THSD4: variants seen among roughly 807,000 people sequenced by gnomAD.
THSD4 encodes thrombospondin type 1 domain containing 4.
THSD4 carries 69 observed loss-of-function variants against 119.0 expected under a neutral mutation model. The observed-to-expected ratio is 0.58, with a 90% confidence interval of 0.48 to 0.71. The LOEUF (loss-of-function observed/expected upper bound fraction) is 0.71, where lower values mean the gene tolerates loss of function less well. Among genes scored for constraint, THSD4 ranks in the 30% least tolerant of loss-of-function variants. The pLI is 0.00. For missense variants in THSD4, 1,393 were observed against 1,391.1 expected (o/e 1.00, Z -0.02); for synonymous variants, 524 against 540.4 (o/e 0.97, Z 0.42).
At chr15:71,589,034 T>G (rs1355142508) in intron 7 of THSD4, among the ~76,000 whole-genome samples, 2 of 152,194 alleles carry the variant, frequency 1.3e-5, no homozygotes, top group Admixed American at 1.3e-4. Flanking sequence ...AGGGACCTTT[T>G]GTGCTTTCTT....
At chr15:71,382,081 A>G (rs1280412057) in intron 6 of THSD4, among the ~76,000 whole-genome samples, 1 of 152,176 alleles carries the variant, frequency 6.6e-6, no homozygotes, top group Non-Finnish European at 1.5e-5. Flanking sequence ...TATGTATTTA[A>G]TCAAGATGAC....
At chr15:71,488,283 C>A (rs1355103149) in intron 7 of THSD4, among the ~76,000 whole-genome samples, 2 of 152,210 alleles carry the variant, frequency 1.3e-5, no homozygotes, top group Non-Finnish European at 2.9e-5. Context: ...TAAACTGTAT[C>A]TCTGGCATAC....
At chr15:71,676,088 T>C (rs1341394722) in intron 8 of THSD4, among the ~76,000 whole-genome samples, 1 of 152,210 alleles carries the variant, frequency 6.6e-6, no homozygotes, top group Non-Finnish European at 1.5e-5. Context: ...CAGCAGACCT[T>C]CTGGAACTAG....
At chr15:71,462,679 A>G (rs540899100) in intron 7 of THSD4, among the ~76,000 whole-genome samples, 1 of 152,310 alleles carries the variant, frequency 6.6e-6, no homozygotes, top group East Asian at 1.9e-4. Flanking sequence ...CAAATGTGAA[A>G]TTTCTTCAAA....
chr15:71,268,476 T>C (rs2044488927), intron 6 of THSD4, among the ~76,000 whole-genome samples: 1 of 152,188 alleles, frequency 6.6e-6, no homozygotes, highest in Non-Finnish European at 1.5e-5. Context: ...GGGAAATTTA[T>C]AGCACTAAAT....
At chr15:71,203,078 G>C (rs948343163) in intron 3 of THSD4, among the ~76,000 whole-genome samples, 2 of 152,132 alleles carry the variant, frequency 1.3e-5, no homozygotes, top group African/African-American at 2.4e-5. Context: ...GAGCCTGCTT[G>C]ATCTCAATGA....
intron 9 of THSD4, 87 bp downstream of exon 9, chr15:71,728,811 C>A: frequency 6.6e-7 from 1 of 1,521,702 alleles, no homozygotes; most frequent in South Asian, 1.1e-5. Context: ...AGCAACAAAT[C>A]ATTGCCCATA....
intron 7 of THSD4, among the ~76,000 whole-genome samples, chr15:71,653,347 T>C (rs925229459): frequency 6.6e-6 from 1 of 152,220 alleles, no homozygotes; most frequent in Non-Finnish European, 1.5e-5. Context: ...TTTTAAAGCT[T>C]TCTGGGGAAT....
rs36042691 is a variant in THSD4, at chr15:71,165,351, C to CAG, written c.99+10419_99+10420insAG. On this transcript the variant is annotated intron_variant, in intron 3 of 17. Coordinates refer to ENST00000261862, the MANE Select transcript of THSD4 (RefSeq NM_024817.3). ...GTGCTTCTTCTTATGCTCCTCCCGA[C>CAG]GTTTGCACAAAAAATGCATATGATG... The CAG allele has an allele frequency of 3.3e-6, 5 of 1,521,792 alleles. No individual in the cohort carries two copies. In the Admixed American group the frequency reaches 8.4e-5, roughly 25 times the overall value. The allele number at this position is 1,521,792 out of a possible 1,614,324, so 94.3% of individuals were successfully genotyped here.
chr15:71,643,686 A>C (rs2050910802), intron 7 of THSD4, among the ~76,000 whole-genome samples: 1 of 152,236 alleles, frequency 6.6e-6, no homozygotes, highest in Non-Finnish European at 1.5e-5. Context: ...ATTAACATCT[A>C]ACTCTTATAC....
In THSD4 at chr15:71,464,503, G is replaced by A. The variant is rs552745129; in HGVS notation, c.1152+52680G>A. ...TCAAGGGTCACAGTTCAAGGTAGCC[G>A]TGTTACCCACAGTCTGTGTCTTGGT... On this transcript the variant is annotated intron_variant, in intron 7 of 17. Coordinates refer to ENST00000261862, the MANE Select transcript of THSD4 (RefSeq NM_024817.3). Among the ~76,000 whole-genome samples, 322 of 152,288 alleles carry A rather than the reference G, an allele frequency of 2.1e-3. 16 individuals are homozygous for A. In the South Asian group the frequency reaches 0.06, roughly 28 times the overall value.
chr15:71,308,158 C>G lies in THSD4; in HGVS notation c.1015+51443C>G, dbSNP rs144725318. Among the ~76,000 whole-genome samples the G allele has an allele frequency of 1.2e-4, 19 of 152,308 alleles. No individual in the cohort carries two copies. In the East Asian group the frequency reaches 2.1e-3, roughly 17 times the overall value. On this transcript the variant is annotated intron_variant, in intron 6 of 17. Coordinates refer to ENST00000261862, the MANE Select transcript of THSD4 (RefSeq NM_024817.3). The stretch of plus-strand genomic sequence containing the variant: ...ATGTTCTCAGACATACAAAAACACT[C>G]TTATCAGGACAGTATTCCAAGGACC...
intron 2 of THSD4, among the ~76,000 whole-genome samples, chr15:71,149,630 G>A (rs935247097): frequency 6.6e-6 from 1 of 152,124 alleles, no homozygotes; most frequent in Non-Finnish European, 1.5e-5. Flanking sequence ...TGCTAAGGTC[G>A]ATATAATTTT....
chr15:71,284,253 GAT>G (rs67288128), intron 6 of THSD4, among the ~76,000 whole-genome samples: 47 of 152,252 alleles, frequency 3.1e-4, no homozygotes, highest in African/African-American at 7.9e-4. Flanking sequence ...GAGGAAAAAA[GAT>G]ATGATTTTTG....
At position 71,534,351 on chromosome 15, in the gene THSD4, AT is replaced by A. The variant is rs752021095; in HGVS notation, c.1152+122529del. ...TGCCAGTAATGGGCATTTATCCTTCATAAAAATTATTTTCCAGATGAACGTA... is the reference window on the plus strand; with the variant it reads ...TGCCAGTAATGGGCATTTATCCTTCAAAAAATTATTTTCCAGATGAACGTA... On this transcript the variant is annotated intron_variant, in intron 7 of 17. Transcript: ENST00000261862. Among the ~76,000 whole-genome samples the A allele has an allele frequency of 2.6e-5, 4 of 152,246 alleles. No homozygotes were observed. In the East Asian group the frequency reaches 5.8e-4, roughly 22 times the overall value.
At chr15:71,185,959 C>A (rs544402569) in intron 3 of THSD4, 1 of 152,292 alleles carries the variant, frequency 6.6e-6, no homozygotes, top group South Asian at 2.1e-4. Context: ...ATGACAGTGA[C>A]AACCAACGTT....
At chr15:71,441,129 C>G (rs1334271509) in intron 7 of THSD4, among the ~76,000 whole-genome samples, 3 of 152,088 alleles carry the variant, frequency 2.0e-5, no homozygotes, top group African/African-American at 7.2e-5. Context: ...TGAGATGTTT[C>G]ATGTATAATG....
intron 16 of THSD4, among the ~76,000 whole-genome samples, chr15:71,765,786 C>G (rs1209264988): frequency 8.1e-6 from 1 of 122,828 alleles, no homozygotes; most frequent in Non-Finnish European, 1.6e-5. Context: ...CACGCACACA[C>G]TCTCTGTGTG....
At chr15:71,597,619 C>G (rs1332272361) in intron 7 of THSD4, among the ~76,000 whole-genome samples, 1 of 152,130 alleles carries the variant, frequency 6.6e-6, no homozygotes, top group Non-Finnish European at 1.5e-5. Context: ...TTTGGAAGAA[C>G]AGGAGGAGAA....
Sources: gnomAD v4.1 joint callset for allele counts (sites outside exome capture counted in the v4.1 genomes callset) on GRCh38, gnomAD v4.1.1 for gene constraint, MANE v1.5 for transcripts, NCBI Gene and HGNC (gene_info 2026-07-23, HGNC 2026-07-21) for gene names.